The following ZFAND3 variants were observed in gnomAD, a reference collection of about 807,000 sequenced individuals.
ZFAND3 encodes AN1-type zinc finger protein 3.
ZFAND3 carries 10 observed loss-of-function variants against 29.6 expected under a neutral mutation model. That is an observed-to-expected ratio of 0.34 (90% CI 0.21 to 0.57). The LOEUF is 0.57. Among genes scored for constraint, ZFAND3 ranks in the 20% least tolerant of loss-of-function variants. The pLI is 0.86. For synonymous variants in ZFAND3, 128 were observed against 112.6 expected, an observed-to-expected ratio of 1.14 and a Z score of -0.87; for missense variants, 230 against 304.5, an observed-to-expected ratio of 0.76 and a Z score of 1.82.
chr6:37,889,149 A>G (rs1198042343), intron 1 of ZFAND3, among the ~76,000 whole-genome samples: 1 of 152,246 alleles, frequency 6.6e-6, no homozygotes, highest in Non-Finnish European at 1.5e-5. Context: ...AAATGACTAC[A>G]GCACCTCTGA....
intron 2 of ZFAND3, among the ~76,000 whole-genome samples, chr6:37,930,739 C>G (rs972334066): frequency 3.9e-5 from 6 of 152,052 alleles, no homozygotes; most frequent in African/African-American, 1.4e-4. Flanking sequence ...TTTATTTTTA[C>G]TTTTTAAAAA....
In ZFAND3 at chr6:37,863,982, G is replaced by A. The variant is rs1404573223; in HGVS notation, c.71+43966G>A. On this transcript the variant is annotated intron_variant, in intron 1 of 5. Coordinates refer to ENST00000287218, the MANE Select transcript of ZFAND3 (RefSeq NM_021943.3). ...CTAGACTAGTGACAAACAGTGGCTG[G>A]GATAGCATATGTTGTTTAGACAGCT... Among the ~76,000 whole-genome samples the A allele has an allele frequency of 2.6e-5, 4 of 151,864 alleles. 1 individual carries two copies. Among genetic ancestry groups the A allele is most frequent in the Admixed American group, 2.6e-4 (4 of 15,244 alleles).
At chr6:38,137,675 G>GA (rs1765868244) in intron 5 of ZFAND3, among the ~76,000 whole-genome samples, 1 of 152,148 alleles carries the variant, frequency 6.6e-6, no homozygotes, top group Non-Finnish European at 1.5e-5. Context: ...TGTGATAAGG[G>GA]AAAGGGGGAG....
At chr6:37,918,971 T>TTTTTTTTTTTTTTTTG (rs1761321038) in intron 1 of ZFAND3, among the ~76,000 whole-genome samples, 1 of 111,956 alleles carries the variant, frequency 8.9e-6, no homozygotes. Flanking sequence ...TTTTTTTTTT[T>TTTTTTTTTTTTTTTTG]GAGACGGAGT....
rs369372740 is a variant in ZFAND3 at position 38,042,825 on chromosome 6, G to C, written c.113-18768G>C. Among the ~76,000 whole-genome samples, 11 of 152,228 alleles carry C rather than the reference G, an allele frequency of 7.2e-5. No homozygotes were observed. In the East Asian group the frequency reaches 2.1e-3, roughly 29 times the overall value. On this transcript the variant is annotated intron_variant, in intron 2 of 5. Transcript: ENST00000287218. Reference sequence around the variant, plus strand: ...TAACAAAATAGATCATTTATATTAAGTAATAAAAACCTACTTGAGAAAGTC... The same window carrying C: ...TAACAAAATAGATCATTTATATTAACTAATAAAAACCTACTTGAGAAAGTC...
intron 5 of ZFAND3, among the ~76,000 whole-genome samples, chr6:38,132,860 C>G (rs2127492043): frequency 6.6e-6 from 1 of 152,288 alleles, no homozygotes; most frequent in East Asian, 1.9e-4. Context: ...TACTCATTCC[C>G]CCTCACTCTG....
chr6:38,032,158 A>G (rs1316802373), intron 2 of ZFAND3, among the ~76,000 whole-genome samples: 2 of 152,126 alleles, frequency 1.3e-5, no homozygotes, highest in African/African-American at 2.4e-5. Flanking sequence ...TTAATGTATT[A>G]TGAGCATTTA....
At position 38,061,663 on chromosome 6, in the gene ZFAND3, C is replaced by T. The variant is rs768288619; in HGVS notation, c.183C>T (p.Ser61=). ...GTAACAGCCAATCAGATTTGTTTTC[C>T]GAAGAGACCACCAGTGACAACAACA... ...STSNSQSDLF[S]EETTSDNNNT... Residue 61 remains serine (S), a synonymous_variant, in exon 3 of 6, where the codon TCC becomes TCT. Coordinates refer to ENST00000287218, the MANE Select transcript of ZFAND3 (RefSeq NM_021943.3). 38 of 1,614,002 alleles carry T rather than the reference C, an allele frequency of 2.4e-5. No homozygotes were observed. Among genetic ancestry groups the T allele is most frequent in the South Asian group, 3.3e-5 (3 of 91,072 alleles).
chr6:38,060,617 C>T (rs764209331), intron 2 of ZFAND3, among the ~76,000 whole-genome samples: 3 of 151,952 alleles, frequency 2.0e-5, no homozygotes, highest in Non-Finnish European at 2.9e-5. Context: ...ACCCTCAGCT[C>T]ATTTTTTAAA....
chr6:38,144,194 TATATATATATATATATAATATATA>T (rs1375516918), intron 5 of ZFAND3, among the ~76,000 whole-genome samples: 1 of 32,262 alleles, frequency 3.1e-5, no homozygotes, highest in Admixed American at 2.3e-4. Flanking sequence ...AATATATATA[TATATATATATATATATAATATATA>T]ATATATATAT....
chr6:38,005,194 T>G (rs4714118), intron 2 of ZFAND3, among the ~76,000 whole-genome samples: 46,155 of 152,000 alleles, frequency 0.3, 7,529 homozygotes, highest in East Asian at 0.57. Flanking sequence ...CCCCAGGAGC[T>G]CCACATATGA....
At chr6:37,966,177 AAGAC>A (rs1762290112) in intron 2 of ZFAND3, among the ~76,000 whole-genome samples, 1 of 152,158 alleles carries the variant, frequency 6.6e-6, no homozygotes, top group South Asian at 2.1e-4. Flanking sequence ...CTTCTATGCA[AAGAC>A]AGTGACAGAC....
At chr6:37,827,298 C>G (rs1351892334) in intron 1 of ZFAND3, among the ~76,000 whole-genome samples, 1 of 152,146 alleles carries the variant, frequency 6.6e-6, no homozygotes, top group African/African-American at 2.4e-5. Flanking sequence ...CATTTTAGCT[C>G]TTTTAGCACT....
chr6:37,913,197 T>C (rs1271971551), intron 1 of ZFAND3, among the ~76,000 whole-genome samples: 2 of 152,184 alleles, frequency 1.3e-5, no homozygotes, highest in South Asian at 2.1e-4. Context: ...ATTGCCTCTT[T>C]TTTATGAAAT....
chr6:38,036,427 C>T (rs982922715), intron 2 of ZFAND3, among the ~76,000 whole-genome samples: 2 of 152,108 alleles, frequency 1.3e-5, no homozygotes, highest in Non-Finnish European at 2.9e-5. Flanking sequence ...CATAACCAGA[C>T]TTGGTTGTAT....
intron 5 of ZFAND3, among the ~76,000 whole-genome samples, chr6:38,128,992 A>G (rs780906992): frequency 6.6e-6 from 1 of 152,130 alleles, no homozygotes. Flanking sequence ...AGCAACATCT[A>G]TTATGTTTTG....
At chr6:38,040,527 AC>A (rs1297095613) in intron 2 of ZFAND3, among the ~76,000 whole-genome samples, 1 of 152,178 alleles carries the variant, frequency 6.6e-6, no homozygotes, top group Non-Finnish European at 1.5e-5. Flanking sequence ...TCTTTTTAAA[AC>A]TTTAGTTTTG....
chr6:38,040,873 C>T (rs1273053725), intron 2 of ZFAND3, among the ~76,000 whole-genome samples: 1 of 152,182 alleles, frequency 6.6e-6, no homozygotes, highest in East Asian at 1.9e-4. Flanking sequence ...TGATAAACTT[C>T]TGTTATCTGA....
chr6:38,055,129 T>C (rs548871370), intron 2 of ZFAND3, among the ~76,000 whole-genome samples: 14 of 152,290 alleles, frequency 9.2e-5, no homozygotes, highest in African/African-American at 2.4e-4. Context: ...TCTTGAGATA[T>C]GGGAAATGAA....
Sources: gnomAD v4.1 joint callset for allele counts (sites outside exome capture counted in the v4.1 genomes callset) on GRCh38, gnomAD v4.1.1 for gene constraint, MANE v1.5 for transcripts, NCBI Gene and HGNC (gene_info 2026-07-23, HGNC 2026-07-21) for gene names.